The following TENM2 variants were observed in gnomAD, a reference collection of about 807,000 sequenced individuals.
TENM2 encodes the protein teneurin transmembrane protein 2.
A neutral mutation model predicts 245.2 loss-of-function variants in TENM2; 52 were observed. The ratio of observed to expected loss-of-function variants is 0.21; its 90% CI spans 0.17 to 0.27. The LOEUF is 0.27. Ranked by LOEUF, TENM2 falls within the 10% of genes least tolerant of loss-of-function variation. The pLI is 1.00. For synonymous variants in TENM2, 1,363 were observed against 1,438.9 expected (o/e 0.95, Z 1.19); for missense variants, 3,046 against 3,666.8 (o/e 0.83, Z 4.37).
At chr5:167,753,946 A>G (rs1215107897) in intron 2 of TENM2, among the ~76,000 whole-genome samples, 1 of 152,158 alleles carries the variant, frequency 6.6e-6, no homozygotes, top group Admixed American at 6.5e-5. Flanking sequence ...ATTCTGCTGT[A>G]ACCATGCATA....
intron 13 of TENM2, among the ~76,000 whole-genome samples, chr5:168,163,062 C>T (rs976059207): frequency 2.6e-5 from 4 of 152,200 alleles, no homozygotes; most frequent in African/African-American, 9.7e-5. Context: ...ACTTTCAGGG[C>T]TGCGGATAAC....
intron 12 of TENM2, among the ~76,000 whole-genome samples, chr5:168,153,718 G>C (rs567183482): frequency 1.3e-5 from 2 of 152,316 alleles, no homozygotes; most frequent in South Asian, 2.1e-4. Context: ...GATCCCGGGG[G>C]CTTGTTATAA....
intron 2 of TENM2, among the ~76,000 whole-genome samples, chr5:167,855,006 A>G (rs770094835): frequency 2.0e-5 from 3 of 152,120 alleles, no homozygotes; most frequent in Non-Finnish European, 4.4e-5. Context: ...TTGCTAAACC[A>G]TATGTAGTAT....
At chr5:167,859,031 C>T (rs1771378956) in intron 2 of TENM2, among the ~76,000 whole-genome samples, 1 of 150,996 alleles carries the variant, frequency 6.6e-6, no homozygotes. Flanking sequence ...TGAGGAGCGT[C>T]TCCGCCCGGC....
At chr5:167,832,231 G>A (rs1033626162) in intron 2 of TENM2, among the ~76,000 whole-genome samples, 1 of 152,202 alleles carries the variant, frequency 6.6e-6, no homozygotes, top group African/African-American at 2.4e-5. Flanking sequence ...TTACGGCACT[G>A]CGTGGATTAC....
At chr5:167,302,847 C>T (rs560350252) in intron 1 of TENM2, among the ~76,000 whole-genome samples, 89 of 152,254 alleles carry the variant, frequency 5.8e-4, no homozygotes, top group Non-Finnish European at 8.5e-4. Context: ...GCAGGCATCC[C>T]TGCATGGTCA....
chr5:167,606,960 A>G (rs1014439876), intron 2 of TENM2, among the ~76,000 whole-genome samples: 2 of 152,198 alleles, frequency 1.3e-5, no homozygotes, highest in African/African-American at 2.4e-5. Flanking sequence ...AGCGCTTTAA[A>G]GACCAGGTTT....
chr5:167,867,847 T>G (rs1249672892), intron 2 of TENM2, among the ~76,000 whole-genome samples: 1 of 152,152 alleles, frequency 6.6e-6, no homozygotes, highest in Non-Finnish European at 1.5e-5. Flanking sequence ...GGGAAAAGCA[T>G]GCTGAAACTT....
At chr5:167,936,795 G>A (rs892573463) in intron 3 of TENM2, among the ~76,000 whole-genome samples, 8 of 152,076 alleles carry the variant, frequency 5.3e-5, no homozygotes, top group Non-Finnish European at 1.0e-4. Context: ...TCCTTTTGTA[G>A]TTACTTACAC....
At chr5:167,974,037 AGAAG>A (rs1554163793) in intron 4 of TENM2, among the ~76,000 whole-genome samples, 2 of 25,070 alleles carry the variant, frequency 8.0e-5, no homozygotes, top group Admixed American at 6.2e-4. Flanking sequence ...GGAAGGAAGG[AGAAG>A]GAAGGAAGGG....
chr5:168,161,387 G>A (rs965644515), intron 12 of TENM2, among the ~76,000 whole-genome samples: 9 of 152,114 alleles, frequency 5.9e-5, no homozygotes, highest in African/African-American at 2.2e-4. Context: ...ATGGTCACTG[G>A]GGTATATTTA....
chr5:167,729,931 T>G (rs1305012411), intron 2 of TENM2, among the ~76,000 whole-genome samples: 2 of 152,212 alleles, frequency 1.3e-5, no homozygotes, highest in African/African-American at 4.8e-5. Flanking sequence ...TGGTTTGCCT[T>G]TTTCTTAGAA....
the TENM2 span, among the ~76,000 whole-genome samples, chr5:167,185,716 T>A: frequency 6.6e-6 from 1 of 152,084 alleles, no homozygotes; most frequent in African/African-American, 2.4e-5. Context: ...AAGGTCATTT[T>A]TTTTTTGGCT....
At chr5:168,092,923 C>T (rs1431779515) in intron 8 of TENM2, among the ~76,000 whole-genome samples, 1 of 152,204 alleles carries the variant, frequency 6.6e-6, no homozygotes, top group African/African-American at 2.4e-5. Context: ...ATTATGCCTT[C>T]GTGTCTGTTG....
chr5:167,401,887 G>T, intron 2 of TENM2, among the ~76,000 whole-genome samples: 1 of 152,026 alleles, frequency 6.6e-6, no homozygotes, highest in African/African-American at 2.4e-5. Context: ...GAGGAGAAAG[G>T]AAGGTGGATA....
chr5:167,985,973 A>G lies in TENM2; in HGVS notation c.948-6971A>G, dbSNP rs574491706. On this transcript the variant is annotated intron_variant, in intron 4 of 28. Coordinates refer to ENST00000518659, the Ensembl canonical transcript of TENM2. ...AGATTAGTCAAGCTCCTTCTGTATCATAAGAATAAAATAAAAATTCACAGC... is the reference window on the plus strand; with the variant it reads ...AGATTAGTCAAGCTCCTTCTGTATCGTAAGAATAAAATAAAAATTCACAGC... 5.3e-5 allele frequency among the ~76,000 whole-genome samples: 8 copies of G among 152,378 alleles called. No individual in the cohort carries two copies. The East Asian group carries it at 5.8e-4, about 11-fold the overall frequency.
chr5:168,161,878 C>A (rs988034855), intron 12 of TENM2, among the ~76,000 whole-genome samples: 63 of 150,670 alleles, frequency 4.2e-4, no homozygotes, highest in African/African-American at 1.5e-3. Flanking sequence ...AAAATAAGAA[C>A]TACTCCTACC....
chr5:168,172,253 G>A (rs911174133), intron 13 of TENM2, among the ~76,000 whole-genome samples: 2 of 152,170 alleles, frequency 1.3e-5, no homozygotes, highest in Non-Finnish European at 2.9e-5. Flanking sequence ...ATCCGATATA[G>A]ACATTTAATG....
intron 2 of TENM2, among the ~76,000 whole-genome samples, chr5:167,547,171 C>A (rs1430507893): frequency 6.6e-6 from 1 of 152,138 alleles, no homozygotes; most frequent in African/African-American, 2.4e-5. Flanking sequence ...CTGCAACCTC[C>A]ACCTACCAGG....
Sources: gnomAD v4.1 joint callset for allele counts (sites outside exome capture counted in the v4.1 genomes callset) on GRCh38, gnomAD v4.1.1 for gene constraint, MANE v1.5 for transcripts, NCBI Gene and HGNC (gene_info 2026-07-23, HGNC 2026-07-21) for gene names.